SHB: variants seen among roughly 807,000 people sequenced by gnomAD.
SHB encodes SH2 domain containing adaptor protein B.
Under a neutral mutation model 52.3 loss-of-function variants are expected in SHB, and 20 were observed. That is an observed-to-expected ratio of 0.38 (90% CI 0.27 to 0.56). SHB has a LOEUF of 0.56. Among genes scored for constraint, SHB ranks in the 20% least tolerant of loss-of-function variants. The probability of loss-of-function intolerance (pLI) is 0.71; values close to 1 mark genes in which losing one functional copy is unlikely to be tolerated. For synonymous variants in SHB, 397 were observed against 316.5 expected (o/e 1.25, Z -2.70); for missense variants, 825 against 723.3 (o/e 1.14, Z -1.61).
At chr9:38,018,141 T>C (rs1052167451) in intron 1 of SHB, among the ~76,000 whole-genome samples, 8 of 151,850 alleles carry the variant, frequency 5.3e-5, no homozygotes, top group African/African-American at 1.7e-4. Context: ...ACAAAATCAT[T>C]TGGGGGGATT....
At position 37,952,339 on chromosome 9, in the gene SHB, ACATCTCTGCAAAACAGGCAG is replaced by A. The variant is rs150396045; in HGVS notation, c.1226+3524_1226+3543del. On this transcript the variant is annotated intron_variant, in intron 4 of 5. Transcript: ENST00000377707. ...AGCCAATCGTGAAGAGCCAAAGAAA[ACATCTCTGCAAAACAGGCAG>A]CAAGTGCAAAGGTCCTGAGGTAGGA... 5.3e-4 allele frequency among the ~76,000 whole-genome samples: 80 copies of A among 152,306 alleles called. No individual in the cohort carries two copies. The East Asian group carries it at 0.015, about 29-fold the overall frequency.
At position 37,982,530 on chromosome 9, in the gene SHB, C is replaced by T. The variant is rs148952274; in HGVS notation, c.839-7693G>A. ...TAAGTAGGCCGGGTGCAGTGGCTCA[C>T]ACCTGTAATCCCACCACTTTGGGAG... On this transcript the variant is annotated intron_variant, in intron 2 of 5. Transcript: ENST00000377707. Among the ~76,000 whole-genome samples the T allele has an allele frequency of 5.0e-3, 766 of 152,120 alleles. 1 individual carries two copies. The highest frequency in any genetic ancestry group is 6.7e-3 in the Non-Finnish European group (458 of 67,996).
chr9:38,067,352 G>A (rs1489159319), intron 1 of SHB, among the ~76,000 whole-genome samples: 1 of 152,180 alleles, frequency 6.6e-6, no homozygotes, highest in South Asian at 2.1e-4. Flanking sequence ...GGAGGTTCCC[G>A]GAGCAGCTCC....
At chr9:37,922,422 A>C (rs1290054379) in intron 5 of SHB, among the ~76,000 whole-genome samples, 1 of 152,244 alleles carries the variant, frequency 6.6e-6, no homozygotes, top group African/African-American at 2.4e-5. Flanking sequence ...TAAAAGCCAC[A>C]CAATGTCCTC....
At chr9:37,989,381 C>T (rs1820853851) in intron 2 of SHB, among the ~76,000 whole-genome samples, 1 of 152,134 alleles carries the variant, frequency 6.6e-6, no homozygotes, top group Non-Finnish European at 1.5e-5. Context: ...GCAATTCTTC[C>T]TTCAGGAGAC....
In SHB at chr9:37,920,501, C is replaced by G. The variant is rs146568726; in HGVS notation, c.1347-497G>C. On this transcript the variant is annotated intron_variant, in intron 5 of 5. Coordinates refer to ENST00000377707, the MANE Select transcript of SHB (RefSeq NM_003028.3). ...GTGGCAGGGATGGCAAGTGATCTGT[C>G]CTTCCCTTTCAGTAGTAGGAAACTG... is the stretch of plus-strand genomic sequence containing the variant. Among the ~76,000 whole-genome samples the G allele has an allele frequency of 5.6e-3, 852 of 152,308 alleles. 3 individuals are homozygous for G. Among genetic ancestry groups the G allele is most frequent in the Admixed American group, 9.2e-3 (140 of 15,294 alleles).
At chr9:38,056,788 AG>A (rs1189496568) in intron 1 of SHB, among the ~76,000 whole-genome samples, 1 of 152,244 alleles carries the variant, frequency 6.6e-6, no homozygotes, top group African/African-American at 2.4e-5. Context: ...ATGGCAGGTA[AG>A]GGGCTGCTAT....
chr9:38,016,819 G>A (rs1371179625), intron 1 of SHB, among the ~76,000 whole-genome samples: 1 of 152,228 alleles, frequency 6.6e-6, no homozygotes, highest in Non-Finnish European at 1.5e-5. Context: ...TCCAGTGTGA[G>A]CAGAGGCTTG....
intron 5 of SHB, among the ~76,000 whole-genome samples, chr9:37,931,773 G>A (rs1332381613): frequency 6.6e-6 from 1 of 152,158 alleles, no homozygotes; most frequent in African/African-American, 2.4e-5. Context: ...TCACCATCTT[G>A]TAAAGACATC....
At position 37,985,040 on chromosome 9, in the gene SHB, A is replaced by C. The variant is rs545151734; in HGVS notation, c.839-10203T>G. Among the ~76,000 whole-genome samples, 5 of 152,316 alleles carry C rather than the reference A, an allele frequency of 3.3e-5. No individual in the cohort carries two copies. The South Asian group carries it at 1.0e-3, about 32-fold the overall frequency. ...TTTCCGGAGCTGTCTAGGAGCCAGG[A>C]GACTGACTAATTGGAGTTCTTCTGT... On this transcript the variant is annotated intron_variant, in intron 2 of 5. Transcript: ENST00000377707.
In SHB at chr9:37,967,813, C is replaced by T. The variant is rs571793126; in HGVS notation, c.1054+6809G>A. ...CAAGTTTAAGACTTACTGCTCCAGG[C>T]AAAAAAGAAATCCACAGACATGTCA... On this transcript the variant is annotated intron_variant, in intron 3 of 5. Coordinates refer to ENST00000377707, the MANE Select transcript of SHB (RefSeq NM_003028.3). Among the ~76,000 whole-genome samples, 291 of 152,250 alleles carry T rather than the reference C, an allele frequency of 1.9e-3. 2 individuals are homozygous for T. The highest frequency in any genetic ancestry group is 3.5e-3 in the Non-Finnish European group (239 of 68,024).
At chr9:37,955,839 G>A in intron 4 of SHB, 44 bp downstream of exon 4, 3 of 1,579,470 alleles carry the variant, frequency 1.9e-6, no homozygotes, top group Non-Finnish European at 2.6e-6. Context: ...GCAAAAACTA[G>A]GTGAACTGGG....
intron 1 of SHB, among the ~76,000 whole-genome samples, chr9:38,027,055 C>A (rs1241389985): frequency 1.3e-5 from 2 of 152,226 alleles, no homozygotes; most frequent in African/African-American, 4.8e-5. Flanking sequence ...CCACCCTGCC[C>A]TGAATTGCAG....
chr9:37,997,905 G>A (rs948032602), intron 2 of SHB, among the ~76,000 whole-genome samples: 1 of 152,236 alleles, frequency 6.6e-6, no homozygotes, highest in African/African-American at 2.4e-5. Flanking sequence ...TGAGGCCCAG[G>A]AGGAGACCCT....
chr9:38,059,858 G>A (rs1003737966), intron 1 of SHB, among the ~76,000 whole-genome samples: 1 of 152,172 alleles, frequency 6.6e-6, no homozygotes, highest in Non-Finnish European at 1.5e-5. Context: ...ATGAGCCTCT[G>A]TTTCTCCATC....
intron 5 of SHB, among the ~76,000 whole-genome samples, chr9:37,938,526 A>G (rs1394714350): frequency 1.3e-5 from 2 of 152,254 alleles, no homozygotes; most frequent in East Asian, 1.9e-4. Flanking sequence ...AGACCACCCA[A>G]TGCCTCAGAA....
At chr9:38,044,970 G>C (rs1821631576) in intron 1 of SHB, among the ~76,000 whole-genome samples, 1 of 152,244 alleles carries the variant, frequency 6.6e-6, no homozygotes, top group South Asian at 2.1e-4. Flanking sequence ...TGGCAGGACA[G>C]CTGAGCTGAA....
chr9:37,933,676 T>C (rs1213042278), intron 5 of SHB, among the ~76,000 whole-genome samples: 2 of 152,220 alleles, frequency 1.3e-5, no homozygotes, highest in Admixed American at 1.3e-4. Context: ...CATCTAATGA[T>C]GGAAACTCCT....
chr9:37,995,363 G>A (rs542397123), intron 2 of SHB, among the ~76,000 whole-genome samples: 1 of 148,202 alleles, frequency 6.7e-6, no homozygotes, highest in South Asian at 2.2e-4. Context: ...TCCTCTTAGC[G>A]CGAGCCCTCC....
Sources: gnomAD v4.1 joint callset for allele counts (sites outside exome capture counted in the v4.1 genomes callset) on GRCh38, gnomAD v4.1.1 for gene constraint, MANE v1.5 for transcripts, NCBI Gene and HGNC (gene_info 2026-07-23, HGNC 2026-07-21) for gene names.